WIZ: variants seen among roughly 807,000 people sequenced by gnomAD.
WIZ encodes the protein protein Wiz.
In WIZ, 25 loss-of-function variants were observed where a neutral mutation model predicts 140.2. That is an observed-to-expected ratio of 0.18 (90% CI 0.13 to 0.25). WIZ has a LOEUF of 0.25. WIZ is among the 10% of genes least tolerant of loss of function. WIZ has a pLI of 1.00. For synonymous variants in WIZ, 1,125 were observed against 1,154.3 expected (o/e 0.97, Z 0.51); for missense variants, 2,231 against 2,632.6 (o/e 0.85, Z 3.34).
chr19:15,443,690 GT>G (rs1174555842), intron 2 of WIZ, among the ~76,000 whole-genome samples: 1 of 152,120 alleles, frequency 6.6e-6, no homozygotes, highest in East Asian at 1.9e-4. Flanking sequence ...TGCTTGCTGG[GT>G]CCCCTACTAG....
chr19:15,429,934 T>C lies in WIZ; in HGVS notation c.3067A>G (p.Lys1023Glu). 6.5e-7 allele frequency: 1 copy of C among 1,535,966 alleles called. No individual in the cohort carries two copies. The highest frequency in any genetic ancestry group is 8.7e-7 in the Non-Finnish European group (1 of 1,146,796). Reference protein sequence around the residue: ...IDLLYELVKQKGLPDAHLGLP... With the variant: ...IDLLYELVKQEGLPDAHLGLP... ...CCAAGGTGGGCGTCAGGCAGACCCTTCTGCTTCACAAGCTCGTAGAGGAGG... is the reference window on the plus strand; with the variant it reads ...CCAAGGTGGGCGTCAGGCAGACCCTCCTGCTTCACAAGCTCGTAGAGGAGG... Residue 1023 changes from lysine to glutamate, a missense_variant, in exon 7 of 13, where the codon AAG (lysine) becomes GAG (glutamate). Coordinates refer to ENST00000673675, the MANE Select transcript of WIZ (RefSeq NM_001371589.1).
In WIZ at chr19:15,439,134, C is replaced by A; in HGVS notation, c.1860G>T (p.Glu620Asp). 3 of 1,512,088 alleles carry A rather than the reference C, an allele frequency of 2.0e-6. No homozygotes were observed. Among genetic ancestry groups the A allele is most frequent in the Non-Finnish European group, 2.6e-6 (3 of 1,132,776 alleles). The allele number at this position is 1,512,088 out of a possible 1,614,324, so 93.7% of individuals were successfully genotyped here. A position where few individuals can be genotyped will look rare whatever the true frequency, so the allele number is the denominator to read the frequency against. ...TCAGCACTACATCCTCCTCCTCCTC[C>A]TCCTCCTCCTCCTCTTCGCTCCAAG... ...RRPWSEEEEE[E>D]EEEEDVVLTS... Residue 620 changes from glutamate to aspartate, a missense_variant, in exon 4 of 13, where the codon GAG becomes GAT. Coordinates refer to ENST00000673675, the MANE Select transcript of WIZ (RefSeq NM_001371589.1). This position sits in a 1 kb window ranked among gnomAD's most constrained non-coding sequence, Gnocchi z 7.0.
chr19:15,427,363 G>T lies in WIZ; in HGVS notation c.3985C>A (p.Arg1329=), dbSNP rs753395112. The part of the protein sequence containing the change: ...IDTLREILKR[R]TQSRPGGPPN... The stretch of plus-strand genomic sequence containing the variant: ...GGTCCACCAGGCCGAGACTGGGTCC[G>T]TCTCTTCAGGATCTCCCGCAGCGTG... Residue 1329 remains arginine (R), a synonymous_variant, in exon 9 of 13, where the codon CGG becomes AGG. Coordinates refer to ENST00000673675, the MANE Select transcript of WIZ (RefSeq NM_001371589.1). This position sits in a 1 kb window ranked among gnomAD's most constrained non-coding sequence, Gnocchi z 6.4. 1.2e-6 allele frequency: 2 copies of T among 1,613,642 alleles called. No homozygotes were observed. Among genetic ancestry groups the T allele is most frequent in the Non-Finnish European group, 1.7e-6 (2 of 1,180,004 alleles).
chr19:15,428,249 A>G lies in WIZ; in HGVS notation c.3675T>C (p.Leu1225=), dbSNP rs761440973. The G allele has an allele frequency of 1.1e-5, 17 of 1,525,982 alleles. No individual in the cohort carries two copies. Among genetic ancestry groups the G allele is most frequent in the South Asian group, 2.4e-5 (2 of 83,226 alleles). 94.5% of individuals were successfully genotyped at this position (1,525,982 alleles called of 1,614,324 possible). ...PPPTSAALSL[L]PPPPPAKKAK... is the part of the protein sequence containing the mutation. ...CCTTCTTGGCCGGCGGTGGGGGGGG[A>G]AGCAAGGAGAGGGCCGCGGAGGTGG... Residue 1225 remains leucine (L), a synonymous_variant, in exon 8 of 13, where the codon CTT becomes CTC. Coordinates refer to ENST00000673675, the MANE Select transcript of WIZ (RefSeq NM_001371589.1). The surrounding 1 kb of genome is among the most constrained non-coding windows in gnomAD (Gnocchi z 6.4).
intron 2 of WIZ, among the ~76,000 whole-genome samples, chr19:15,445,851 G>T (rs1331323124): frequency 2.0e-5 from 3 of 152,144 alleles, no homozygotes; most frequent in Non-Finnish European, 4.4e-5. Flanking sequence ...GGCCACTCCA[G>T]TGTGCTCTTG....
At position 15,442,395 on chromosome 19, in the gene WIZ, C is replaced by T. The variant is rs548809932; in HGVS notation, c.278+281G>A. Among the ~76,000 whole-genome samples, 4 of 152,306 alleles carry T rather than the reference C, an allele frequency of 2.6e-5. No individual in the cohort carries two copies. The highest frequency in any genetic ancestry group is 7.2e-5 in the African/African-American group (3 of 41,568). On this transcript the variant is annotated intron_variant, in intron 3 of 12. Coordinates refer to ENST00000673675, the MANE Select transcript of WIZ (RefSeq NM_001371589.1). This position sits in a 1 kb window ranked among gnomAD's most constrained non-coding sequence, Gnocchi z 5.5. ...GGCCTAGTATCATTCTAAGGGTCAC[C>T]TGGCAGAGAGAGGACTTGAAGGGTC... is the stretch of plus-strand genomic sequence containing the variant.
rs757334972 is a variant in WIZ at position 15,428,554 on chromosome 19, C to T, written c.3416-46G>A. On this transcript the variant is annotated intron_variant, in intron 7 of 12. Transcript: ENST00000673675. This position sits in a 1 kb window ranked among gnomAD's most constrained non-coding sequence, Gnocchi z 6.4. ...GGGGGTTCACGGCCGCCACCTTGGC[C>T]GGCCTTGGGGGCCTGAGGTAGGAGG... 49 of 1,534,678 alleles carry T rather than the reference C, an allele frequency of 3.2e-5. No homozygotes were observed. Among genetic ancestry groups the T allele is most frequent in the East Asian group, 9.8e-5 (4 of 40,876 alleles).
rs1255838885 is a variant in WIZ at position 15,427,211 on chromosome 19, T to G, written c.4137A>C (p.Pro1379=). 1.2e-5 allele frequency: 20 copies of G among 1,613,954 alleles called. No individual in the cohort carries two copies. The highest frequency in any genetic ancestry group is 1.7e-5 in the Non-Finnish European group (20 of 1,180,022). Residue 1379 remains proline (P), a synonymous_variant, in exon 9 of 13, where the codon CCA becomes CCC. Transcript: ENST00000673675. This position sits in a 1 kb window ranked among gnomAD's most constrained non-coding sequence, Gnocchi z 6.4. ...LHISPLAKKL[P]PPPGSPLGHS... is the part of the protein sequence containing the mutation. ...GGCCCAGGGGGCTGCCCGGTGGTGGTGGCAACTTCTTGGCCAAGGGTGAGA... is the reference window on the plus strand; with the variant it reads ...GGCCCAGGGGGCTGCCCGGTGGTGGGGGCAACTTCTTGGCCAAGGGTGAGA...
chr19:15,440,706 A>G lies in WIZ; in HGVS notation c.288T>C (p.Asp96=). 1 of 1,492,284 alleles carries G rather than the reference A, an allele frequency of 6.7e-7. No homozygotes were observed. Among genetic ancestry groups the G allele is most frequent in the African/African-American group, 1.4e-5 (1 of 71,894 alleles). 92.4% of individuals were successfully genotyped at this position (1,492,284 alleles called of 1,614,324 possible). Residue 96 remains aspartate (D), a synonymous_variant, in exon 4 of 13, where the codon GAT becomes GAC. Coordinates refer to ENST00000673675, the MANE Select transcript of WIZ (RefSeq NM_001371589.1). This position sits in a 1 kb window ranked among gnomAD's most constrained non-coding sequence, Gnocchi z 6.2. ...ATHRISSCCW[D]GGSLDFRPGS... ...CCGGCCGGAAGTCCAGGCTGCCTCC[A>G]TCCCAGCAGCTGCAAGGAAGTGCCA...
chr19:15,443,590 C>T (rs1969818242), intron 2 of WIZ, among the ~76,000 whole-genome samples: 1 of 152,188 alleles, frequency 6.6e-6, no homozygotes, highest in East Asian at 1.9e-4. Flanking sequence ...CCGCCTAACT[C>T]AAATGAGCCC....
Position 15,428,277 on chromosome 19 carries a change from G to A in WIZ, c.3647C>T (p.Pro1216Leu), listed in dbSNP as rs1250843940. ...RGALAHPGRP[P>L]PTSAALSLLP... ...CAAGGAGAGGGCCGCGGAGGTGGGA[G>A]GCGGCCGCCCCGGGTGGGCCAGGGC... Residue 1216 changes from proline (P) to leucine (L), a missense_variant, in exon 8 of 13, where the codon CCT becomes CTT. Physicochemically the swap from Pro to Leu is moderately conservative, Grantham distance 98. Around this residue, in one of 15 missense-constraint regions of WIZ, gnomAD observed 141 missense variants for 161.2 expected, o/e 0.87. Coordinates refer to ENST00000673675, the MANE Select transcript of WIZ (RefSeq NM_001371589.1). The surrounding 1 kb of genome is among the most constrained non-coding windows in gnomAD (Gnocchi z 6.4). 6.5e-7 allele frequency: 1 copy of A among 1,527,362 alleles called. No homozygotes were observed. Among genetic ancestry groups the A allele is most frequent in the East Asian group, 2.5e-5 (1 of 40,784 alleles). 94.6% of individuals were successfully genotyped at this position (1,527,362 alleles called of 1,614,324 possible).
In WIZ at chr19:15,439,943, G is replaced by C; in HGVS notation, c.1051C>G (p.Pro351Ala). The C allele has an allele frequency of 6.5e-7, 1 of 1,534,646 alleles. No individual in the cohort carries two copies. The highest frequency in any genetic ancestry group is 2.4e-5 in the East Asian group (1 of 40,862). The change falls in exon 4 of 13, where the codon CCG (proline) becomes GCG (alanine). Residue 351 changes from proline to alanine, a missense_variant. Around this residue, in one of 15 missense-constraint regions of WIZ, gnomAD observed 475 missense variants for 520.2 expected, o/e 0.91. Transcript: ENST00000673675. The surrounding 1 kb of genome is among the most constrained non-coding windows in gnomAD (Gnocchi z 7.0). ...PGQEPPADLA[P>A]LACGECGWAF... The stretch of plus-strand genomic sequence containing the variant: ...CAGCCACACTCCCCGCAGGCCAGCG[G>C]GGCCAGGTCCGCAGGGGGCTCCTGG...
At chr19:15,425,790 G>A (rs1178035625) in intron 9 of WIZ, 22 bp from the exon 10 acceptor site, 6 of 1,393,792 alleles carry the variant, frequency 4.3e-6, no homozygotes, top group Middle Eastern at 2.5e-4. Context: ...CCAGGGTAGG[G>A]GGAAGGAGGA....
In WIZ at chr19:15,438,749, G is replaced by T; in HGVS notation, c.2245C>A (p.Arg749=). 1 of 1,535,718 alleles carries T rather than the reference G, an allele frequency of 6.5e-7. No individual in the cohort carries two copies. The change falls in exon 4 of 13, where the codon CGG becomes AGG. Residue 749 remains arginine, a synonymous_variant. Coordinates refer to ENST00000673675, the MANE Select transcript of WIZ (RefSeq NM_001371589.1). ...CGATCGGGGCAGTAGGGGCATTTCC[G>T]CTCCTCGTGCTTCAGTGCCATGGCC... ...DPAMALKHEE[R]KCPYCPDRFH...
Position 15,437,135 on chromosome 19 carries a change from G to C in WIZ, c.2417-6C>G. 6.3e-7 allele frequency: 1 copy of C among 1,586,986 alleles called. No homozygotes were observed. The highest frequency in any genetic ancestry group is 8.6e-7 in the Non-Finnish European group (1 of 1,167,422). On this transcript the variant is annotated splice_region_variant and splice_polypyrimidine_tract_variant and intron_variant, in intron 4 of 12. Transcript: ENST00000673675. Reference sequence around the variant, plus strand: ...GCCTGGGTCAAAGTTGGCCACTGTGGAGAGAGGACAGGACTGCCTGAGGTG... The same window carrying C: ...GCCTGGGTCAAAGTTGGCCACTGTGCAGAGAGGACAGGACTGCCTGAGGTG...
In WIZ at chr19:15,442,388, GGGTCACCT is replaced by G. The variant is rs1331408353; in HGVS notation, c.278+280_278+287del. 6.6e-6 allele frequency among the ~76,000 whole-genome samples: 1 copy of G among 152,178 alleles called. No individual in the cohort carries two copies. The highest frequency in any genetic ancestry group is 1.5e-5 in the Non-Finnish European group (1 of 68,030). ...CCAGAGAGGCCTAGTATCATTCTAA[GGGTCACCT>G]GGCAGAGAGAGGACTTGAAGGGTCC... On this transcript the variant is annotated intron_variant, in intron 3 of 12. Transcript: ENST00000673675. This position sits in a 1 kb window ranked among gnomAD's most constrained non-coding sequence, Gnocchi z 5.5.
intron 5 of WIZ, chr19:15,433,258 G>A: frequency 1.0e-6 from 1 of 985,434 alleles, no homozygotes; most frequent in Non-Finnish European, 1.2e-6. Context: ...ACCCCACAAG[G>A]CCGGCAACAC....
In WIZ at chr19:15,439,309, G is replaced by A. The variant is rs1275781753; in HGVS notation, c.1685C>T (p.Pro562Leu). Residue 562 changes from proline to leucine, a missense_variant, in exon 4 of 13, where the codon CCG (proline) becomes CTG (leucine). Coordinates refer to ENST00000673675, the MANE Select transcript of WIZ (RefSeq NM_001371589.1). The surrounding 1 kb of genome is among the most constrained non-coding windows in gnomAD (Gnocchi z 7.0). ...GCCATGCAGGAGTGGCTTTGACAGC[G>A]GGAAATCTCTGATGCTCAGCTGCTG... Reference protein sequence around the residue: ...GCQQLSIRDFPLSKPLLHGTG... With the variant: ...GCQQLSIRDFLLSKPLLHGTG... 6 of 1,535,550 alleles carry A rather than the reference G, an allele frequency of 3.9e-6. No homozygotes were observed. Among genetic ancestry groups the A allele is most frequent in the African/African-American group, 1.4e-5 (1 of 73,032 alleles).
chr19:15,430,991 C>G (rs1969196440), intron 6 of WIZ, 21 bp downstream of exon 6: 4 of 1,503,796 alleles, frequency 2.7e-6, no homozygotes, highest in Non-Finnish European at 3.6e-6. Context: ...CATCCCCTGC[C>G]ATGCCACCTG....
Sources: gnomAD v4.1 joint callset for allele counts (sites outside exome capture counted in the v4.1 genomes callset) on GRCh38, gnomAD v4.1.1 for gene constraint, gnomAD v4.1.1 regional missense constraint, Gnocchi (gnomAD v3.1) non-coding constraint, MANE v1.5 for transcripts, NCBI Gene and HGNC (gene_info 2026-07-23, HGNC 2026-07-21) for gene names.